PTPN13: variants seen among roughly 807,000 people sequenced by gnomAD.
PTPN13 encodes tyrosine-protein phosphatase non-receptor type 13.
In PTPN13, 191 loss-of-function variants were observed where a neutral mutation model predicts 284.0. The observed-to-expected ratio is 0.67, with a 90% CI of 0.60 to 0.76. The LOEUF (loss-of-function observed/expected upper bound fraction) is 0.76, where lower values mean the gene tolerates loss of function less well. Among genes scored for constraint, PTPN13 ranks in the 30% least tolerant of loss-of-function variants. The pLI, the probability that PTPN13 is intolerant of heterozygous loss-of-function variation, is 0.00. For synonymous variants in PTPN13, 986 were observed against 1,022.3 expected, an observed-to-expected ratio of 0.96 and a Z score of 0.68; for missense variants, 2,797 against 2,939.9, an observed-to-expected ratio of 0.95 and a Z score of 1.12.
chr4:86,672,021 A>G (rs1329339752), intron 2 of PTPN13, among the ~76,000 whole-genome samples: 2 of 152,236 alleles, frequency 1.3e-5, no homozygotes, highest in East Asian at 1.9e-4. Flanking sequence ...TTAAAGAGCT[A>G]CTAATCCTTA....
Position 86,741,805 on chromosome 4 carries a change from A to T in PTPN13, c.2476A>T (p.Ile826Leu), listed in dbSNP as rs1473796906. ...LRFPWRETKK[I>L]SFSKKKITLQ... The stretch of plus-strand genomic sequence containing the variant: ...CTTTCCATGGAGGGAAACCAAGAAA[A>T]TATCTTTTTCTGTATGTCCATTTAA... Residue 826 changes from isoleucine to leucine, a missense_variant, in exon 16 of 48, where the codon ATA becomes TTA. Ile to Leu is a conservative substitution (Grantham distance 5). Transcript: ENST00000411767. 2 of 1,597,752 alleles carry T rather than the reference A, an allele frequency of 1.3e-6. No homozygotes were observed.
At chr4:86,712,692 G>T (rs1195521639) in intron 7 of PTPN13, among the ~76,000 whole-genome samples, 1 of 152,004 alleles carries the variant, frequency 6.6e-6, no homozygotes, top group Non-Finnish European at 1.5e-5. Context: ...AAGCAGTAAA[G>T]TATCATAAGG....
intron 6 of PTPN13, among the ~76,000 whole-genome samples, chr4:86,698,419 A>G (rs770994314): frequency 2.0e-5 from 3 of 152,196 alleles, no homozygotes; most frequent in Non-Finnish European, 4.4e-5. Flanking sequence ...TGGAACTCCC[A>G]GAAGAGGTCG....
intron 2 of PTPN13, among the ~76,000 whole-genome samples, chr4:86,669,587 G>A (rs1272162714): frequency 6.6e-6 from 1 of 152,076 alleles, no homozygotes; most frequent in Non-Finnish European, 1.5e-5. Context: ...ATTTTAGAGT[G>A]ATAAGGAATT....
At chr4:86,747,355 A>G (rs1171255371) in intron 17 of PTPN13, among the ~76,000 whole-genome samples, 1 of 152,232 alleles carries the variant, frequency 6.6e-6, no homozygotes, top group Non-Finnish European at 1.5e-5. Flanking sequence ...AAAGTTGTGA[A>G]AAGGAAATGA....
intron 7 of PTPN13, among the ~76,000 whole-genome samples, chr4:86,710,351 A>G (rs906282044): frequency 6.6e-6 from 1 of 152,170 alleles, no homozygotes; most frequent in Non-Finnish European, 1.5e-5. Flanking sequence ...TCTTGTTGCA[A>G]TTGGCTGAGT....
At chr4:86,685,132 C>T (rs2148943638) in intron 3 of PTPN13, among the ~76,000 whole-genome samples, 1 of 152,282 alleles carries the variant, frequency 6.6e-6, no homozygotes, top group East Asian at 1.9e-4. Flanking sequence ...TTCCAGTTTT[C>T]CCTGTTGAAT....
intron 35 of PTPN13, among the ~76,000 whole-genome samples, chr4:86,776,052 T>A (rs1252536755): frequency 6.6e-6 from 1 of 152,166 alleles, no homozygotes; most frequent in Non-Finnish European, 1.5e-5. Context: ...TTCAAGCAGA[T>A]CTCCTGCCTC....
At chr4:86,613,633 C>CAAAAAAAAAAAA (rs544971012) in intron 1 of PTPN13, among the ~76,000 whole-genome samples, 59 of 61,522 alleles carry the variant, frequency 9.6e-4, no homozygotes, top group African/African-American at 3.2e-3. Flanking sequence ...GACTCCGTCT[C>CAAAAAAAAAAAA]AAAAAAAAAA....
intron 47 of PTPN13, among the ~76,000 whole-genome samples, chr4:86,812,118 G>A (rs1007314690): frequency 4.0e-5 from 6 of 151,714 alleles, no homozygotes; most frequent in East Asian, 3.9e-4. Context: ...AGACCATCCC[G>A]GCTAAAACGG....
chr4:86,703,800 T>C (rs1454873983), intron 7 of PTPN13, among the ~76,000 whole-genome samples: 1 of 152,012 alleles, frequency 6.6e-6, no homozygotes, highest in African/African-American at 2.4e-5. Context: ...GCTGAGAAGT[T>C]TGAAGCTGCA....
chr4:86,674,049 A>G (rs1728008955), intron 3 of PTPN13, among the ~76,000 whole-genome samples: 1 of 152,172 alleles, frequency 6.6e-6, no homozygotes. Flanking sequence ...AAAATGGCAT[A>G]ATGATTTATT....
At chr4:86,708,698 G>A (rs976778379) in intron 7 of PTPN13, among the ~76,000 whole-genome samples, 2 of 151,996 alleles carry the variant, frequency 1.3e-5, no homozygotes. Flanking sequence ...AAACTTAAGT[G>A]TTTCCTTATT....
Position 86,720,837 on chromosome 4 carries a change from G to T in PTPN13, c.1386-1375G>T, listed in dbSNP as rs191246421. Reference sequence around the variant, plus strand: ...GATTTGTACCATAGTGGGATGGGGGGAGATTAACAGGAAATTATGAGTCAG... The same window carrying T: ...GATTTGTACCATAGTGGGATGGGGGTAGATTAACAGGAAATTATGAGTCAG... On this transcript the variant is annotated intron_variant, in intron 9 of 47. Coordinates refer to ENST00000411767, the MANE Select transcript of PTPN13 (RefSeq NM_080683.3). Among the ~76,000 whole-genome samples the T allele has an allele frequency of 1.4e-3, 211 of 152,222 alleles. 2 individuals are homozygous for T. The highest frequency in any genetic ancestry group is 4.8e-3 in the African/African-American group (199 of 41,540).
intron 1 of PTPN13, among the ~76,000 whole-genome samples, chr4:86,600,156 G>GA (rs1000480555): frequency 1.3e-5 from 2 of 151,758 alleles, no homozygotes; most frequent in Non-Finnish European, 2.9e-5. Context: ...GCATTTCCTT[G>GA]AAAAAAATGA....
chr4:86,750,923 T>C, intron 18 of PTPN13, 36 bp downstream of exon 18: 1 of 1,587,980 alleles, frequency 6.3e-7, no homozygotes, highest in Admixed American at 1.8e-5. Context: ...TACATATTTG[T>C]AAATTCTACA....
At chr4:86,784,012 A>G (rs1741624413) in intron 37 of PTPN13, among the ~76,000 whole-genome samples, 1 of 152,094 alleles carries the variant, frequency 6.6e-6, no homozygotes, top group Admixed American at 6.5e-5. Context: ...TACACTCACA[A>G]GTACTTGAAA....
Position 86,814,569 on chromosome 4 carries a change from G to A in PTPN13, c.*18G>A. On this transcript the variant is annotated 3_prime_UTR_variant, in exon 48 of 48. Transcript: ENST00000411767. ...TGAAGTGACATGAAAAGAGCCTCTG[G>A]ATGCATTTCCATTTCTCTCCTTAAC... 6.3e-7 allele frequency: 1 copy of A among 1,580,484 alleles called. No individual in the cohort carries two copies. Among genetic ancestry groups the A allele is most frequent in the Non-Finnish European group, 8.7e-7 (1 of 1,150,462 alleles).
At chr4:86,689,907 T>C (rs1295430630) in intron 5 of PTPN13, 2 of 569,218 alleles carry the variant, frequency 3.5e-6, no homozygotes, top group African/African-American at 3.8e-5. Flanking sequence ...CCTGGAGTGT[T>C]GGTCCCTCTT....
Sources: allele counts gnomAD v4.1 joint callset (sites outside exome capture counted in the v4.1 genomes callset), GRCh38; gene constraint gnomAD v4.1.1; transcripts MANE v1.5; gene names NCBI Gene and HGNC (gene_info 2026-07-23, HGNC 2026-07-21).